EYS: variants seen among roughly 807,000 people sequenced by gnomAD.
The protein encoded by EYS is protein eyes shut homolog.
EYS carries 250 observed loss-of-function variants against 282.1 expected under a neutral mutation model. The ratio of observed to expected loss-of-function variants is 0.89; its 90% CI spans 0.80 to 0.98. The LOEUF is 0.98. EYS is among the 50% of genes least tolerant of loss of function. The pLI, the probability that EYS is intolerant of heterozygous loss-of-function variation, is 0.00. For missense variants in EYS, 4,016 were observed against 3,709.0 expected (o/e 1.08, Z -2.15); for synonymous variants, 1,355 against 1,282.9 (o/e 1.06, Z -1.20).
chr6:65,402,616 T>A lies in EYS; in HGVS notation c.1057-11A>T, dbSNP rs1766558598. 2 of 1,549,234 alleles carry A rather than the reference T, an allele frequency of 1.3e-6. No individual in the cohort carries two copies. Among genetic ancestry groups the A allele is most frequent in the Non-Finnish European group, 1.8e-6 (2 of 1,123,508 alleles). The stretch of plus-strand genomic sequence containing the variant: ...GATGCACATAACATCCTAGGAAAGA[T>A]TAAAAAAATATTTTTACAAAGTATT... On this transcript the variant is annotated splice_polypyrimidine_tract_variant and intron_variant, in intron 6 of 42. Coordinates refer to ENST00000503581, the MANE Select transcript of EYS (RefSeq NM_001142800.2).
chr6:64,230,500 C>T, intron 31 of EYS, 92 bp downstream of exon 31: 3 of 769,942 alleles, frequency 3.9e-6, no homozygotes, highest in Non-Finnish European at 4.2e-6. Flanking sequence ...GTGCTAGTAC[C>T]CATCACTAAG....
At chr6:63,750,887 C>T (rs896437114) in intron 41 of EYS, among the ~76,000 whole-genome samples, 1 of 152,156 alleles carries the variant, frequency 6.6e-6, no homozygotes, top group Admixed American at 6.6e-5. Flanking sequence ...GGAAGGAGAG[C>T]CTGTAGCTTC....
chr6:64,369,323 C>T (rs556770050), intron 29 of EYS, among the ~76,000 whole-genome samples: 1 of 152,028 alleles, frequency 6.6e-6, no homozygotes, highest in African/African-American at 2.4e-5. Context: ...TTATTGTAGC[C>T]TTGTAGTATA....
In EYS at chr6:64,035,137, C is replaced by T. The variant is rs190497336; in HGVS notation, c.6725+31201G>A. On this transcript the variant is annotated intron_variant, in intron 33 of 42. Transcript: ENST00000503581. ...GCCCCACAGCAAAGACTTATCTGGT[C>T]CTTAGTGTCAATAGTGTCCAGTGTG... Among the ~76,000 whole-genome samples the T allele has an allele frequency of 5.6e-4, 85 of 152,152 alleles. No homozygotes were observed. The South Asian group carries it at 9.4e-3, about 17-fold the overall frequency.
intron 29 of EYS, among the ~76,000 whole-genome samples, chr6:64,369,439 T>C (rs901358535): frequency 2.0e-5 from 3 of 152,190 alleles, no homozygotes; most frequent in Admixed American, 6.5e-5. Flanking sequence ...TTTCTAATTC[T>C]TTGAAGAATG....
intron 2 of EYS, among the ~76,000 whole-genome samples, chr6:65,507,544 C>T (rs1431555815): frequency 6.6e-6 from 1 of 151,874 alleles, no homozygotes; most frequent in East Asian, 1.9e-4. Flanking sequence ...CTTTCTTCTC[C>T]TTCTAATATT....
intron 30 of EYS, among the ~76,000 whole-genome samples, chr6:64,300,927 T>C (rs1769211877): frequency 6.6e-6 from 1 of 152,202 alleles, no homozygotes; most frequent in South Asian, 2.1e-4. Flanking sequence ...TGTGTCAGTA[T>C]CATGTAAATC....
chr6:64,733,537 G>T, intron 22 of EYS: 1 of 175,700 alleles, frequency 5.7e-6, no homozygotes. Context: ...CTCAAAGTGT[G>T]ACAAATCTTC....
At chr6:64,935,615 A>G (rs1768881858) in intron 15 of EYS, among the ~76,000 whole-genome samples, 1 of 151,748 alleles carries the variant, frequency 6.6e-6, no homozygotes, top group South Asian at 2.1e-4. Context: ...AGAATCAGAA[A>G]TGAAAGAGAA....
chr6:64,627,184 G>GT (rs1767637113), intron 22 of EYS, among the ~76,000 whole-genome samples: 1 of 152,148 alleles, frequency 6.6e-6, no homozygotes, highest in African/African-American at 2.4e-5. Flanking sequence ...GAATACAAAC[G>GT]TAAGTAAAAC....
intron 12 of EYS, among the ~76,000 whole-genome samples, chr6:65,076,045 C>T (rs1450891502): frequency 1.3e-5 from 2 of 151,746 alleles, no homozygotes; most frequent in Non-Finnish European, 2.9e-5. Flanking sequence ...GTCCAAATGA[C>T]AACTACATAA....
At chr6:64,650,687 G>A (rs1022254865) in intron 22 of EYS, among the ~76,000 whole-genome samples, 3 of 151,998 alleles carry the variant, frequency 2.0e-5, no homozygotes, top group African/African-American at 7.2e-5. Context: ...CCAAGCCTGA[G>A]CTCTAGTATC....
chr6:64,655,572 A>G lies in EYS; in HGVS notation c.3444-29327T>C, dbSNP rs116405316. Among the ~76,000 whole-genome samples the G allele has an allele frequency of 9.2e-3, 1,397 of 152,164 alleles. 22 individuals are homozygous for G. The highest frequency in any genetic ancestry group is 0.047 in the South Asian group (228 of 4,832). On this transcript the variant is annotated intron_variant, in intron 22 of 42. Transcript: ENST00000503581. ...CATATCAATAAAGATAATGTTTGCTATATATATGTGTCTTATAACCTCATG... is the reference window on the plus strand; with the variant it reads ...CATATCAATAAAGATAATGTTTGCTGTATATATGTGTCTTATAACCTCATG...
chr6:65,322,662 G>T (rs1196316335), intron 11 of EYS, among the ~76,000 whole-genome samples: 2 of 151,966 alleles, frequency 1.3e-5, no homozygotes, highest in Admixed American at 6.6e-5. Flanking sequence ...GGGCCTGGGG[G>T]CGCGCGCCTG....
At chr6:65,646,575 T>G (rs1422437999) in intron 1 of EYS, among the ~76,000 whole-genome samples, 1 of 152,178 alleles carries the variant, frequency 6.6e-6, no homozygotes, top group South Asian at 2.1e-4. Flanking sequence ...TTATACTGCA[T>G]GGGAAGAAGC....
chr6:64,143,737 C>T lies in EYS; in HGVS notation c.6425-61735G>A, dbSNP rs559216963. ...CAGACACATGAAGAAAAGTCAGGGACCACAGTCTCTTTATTCCACAAAATG... is the reference window on the plus strand; with the variant it reads ...CAGACACATGAAGAAAAGTCAGGGATCACAGTCTCTTTATTCCACAAAATG... On this transcript the variant is annotated intron_variant, in intron 31 of 42. Transcript: ENST00000503581. 1.1e-4 allele frequency among the ~76,000 whole-genome samples: 17 copies of T among 152,268 alleles called. No individual in the cohort carries two copies. The South Asian group carries it at 3.5e-3, about 32-fold the overall frequency.
chr6:64,665,431 T>G (rs1440139246), intron 22 of EYS, among the ~76,000 whole-genome samples: 1 of 152,196 alleles, frequency 6.6e-6, no homozygotes, highest in African/African-American at 2.4e-5. Flanking sequence ...CTTTTTTTGT[T>G]TAGACTATGT....
intron 28 of EYS, among the ~76,000 whole-genome samples, chr6:64,390,287 C>A (rs549173769): frequency 6.6e-6 from 1 of 152,184 alleles, no homozygotes; most frequent in African/African-American, 2.4e-5. Flanking sequence ...TCAAGGAGGC[C>A]GGTCTGCCTC....
At chr6:64,431,789 T>C (rs1716717468) in intron 28 of EYS, among the ~76,000 whole-genome samples, 1 of 151,918 alleles carries the variant, frequency 6.6e-6, no homozygotes, top group South Asian at 2.1e-4. Flanking sequence ...TACCTTCCTC[T>C]CTTCTTTTGA....
Sources: allele counts gnomAD v4.1 joint callset (sites outside exome capture counted in the v4.1 genomes callset), GRCh38; gene constraint gnomAD v4.1.1; transcripts MANE v1.5; gene names NCBI Gene and HGNC (gene_info 2026-07-23, HGNC 2026-07-21).